The following TRIM9 variants were observed in gnomAD, a reference collection of about 807,000 sequenced individuals.
The protein encoded by TRIM9 is tripartite motif containing 9.
TRIM9 carries 26 observed loss-of-function variants against 78.3 expected under a neutral mutation model. That is an observed-to-expected ratio of 0.33 (90% CI 0.24 to 0.46). The LOEUF is 0.46. Ranked by LOEUF, TRIM9 falls within the 20% of genes least tolerant of loss-of-function variation. The pLI is 1.00. For synonymous variants in TRIM9, 398 were observed against 416.5 expected (o/e 0.96, Z 0.54); for missense variants, 787 against 1,036.4 (o/e 0.76, Z 3.30).
At chr14:51,025,149 C>T in intron 2 of TRIM9, 116 bp downstream of exon 2, 3 of 935,510 alleles carry the variant, frequency 3.2e-6, no homozygotes, top group Non-Finnish European at 5.0e-6. Context: ...CAACAACAAC[C>T]ACAAAATAGG....
At chr14:51,009,627 G>T (rs1040611405) in intron 4 of TRIM9, among the ~76,000 whole-genome samples, 2 of 152,182 alleles carry the variant, frequency 1.3e-5, no homozygotes, top group Admixed American at 1.3e-4. Flanking sequence ...ATCCTATAAA[G>T]ACTTGGAAAT....
At chr14:51,013,984 C>A (rs2056871424) in intron 3 of TRIM9, among the ~76,000 whole-genome samples, 1 of 152,166 alleles carries the variant, frequency 6.6e-6, no homozygotes, top group Non-Finnish European at 1.5e-5. Context: ...CCTCCACAGT[C>A]ATCATTTCAT....
chr14:51,019,220 G>A (rs117003314), intron 3 of TRIM9, among the ~76,000 whole-genome samples: 2,290 of 152,304 alleles, frequency 0.015, 26 homozygotes, highest in Non-Finnish European at 0.022. Flanking sequence ...AGTGTGCTCT[G>A]CTCACTGTTG....
At chr14:50,997,939 T>A in intron 7 of TRIM9, 111 bp downstream of exon 7, 1 of 1,536,420 alleles carries the variant, frequency 6.5e-7, no homozygotes, top group South Asian at 1.3e-5. Context: ...GCAGAGCAAG[T>A]CATGGAAACA....
intron 1 of TRIM9, among the ~76,000 whole-genome samples, chr14:51,050,533 G>C (rs889969248): frequency 2.6e-5 from 4 of 152,090 alleles, no homozygotes; most frequent in African/African-American, 7.2e-5. Flanking sequence ...TTTATCAGCA[G>C]CATGGGAACA....
intron 5 of TRIM9, among the ~76,000 whole-genome samples, chr14:51,001,374 C>T (rs2054998065): frequency 2.0e-5 from 3 of 152,012 alleles, no homozygotes; most frequent in South Asian, 4.2e-4. Context: ...GGACTACAGG[C>T]GCCCGCCACC....
intron 1 of TRIM9, among the ~76,000 whole-genome samples, chr14:51,038,336 G>A (rs1370057814): frequency 2.0e-5 from 3 of 152,118 alleles, no homozygotes; most frequent in Non-Finnish European, 4.4e-5. Flanking sequence ...CTACAGGAGT[G>A]CAAGGTAAAA....
chr14:51,072,681 T>C (rs1476640972), intron 1 of TRIM9, among the ~76,000 whole-genome samples: 2 of 152,178 alleles, frequency 1.3e-5, no homozygotes, highest in East Asian at 1.9e-4. Flanking sequence ...TTAGAGACTA[T>C]TTGAATAGCT....
intron 5 of TRIM9, among the ~76,000 whole-genome samples, chr14:51,002,647 T>C (rs1314961481): frequency 1.3e-5 from 2 of 152,210 alleles, no homozygotes; most frequent in East Asian, 3.8e-4. Context: ...ATCTATGCCT[T>C]GTCAGTCATC....
intron 1 of TRIM9, among the ~76,000 whole-genome samples, chr14:51,069,500 CA>C (rs2062030708): frequency 6.6e-6 from 1 of 152,198 alleles, no homozygotes; most frequent in Non-Finnish European, 1.5e-5. Flanking sequence ...CAAATGTCAA[CA>C]GTGCTGAGAT....
intron 1 of TRIM9, among the ~76,000 whole-genome samples, chr14:51,029,214 TGTCTC>T (rs2058516835): frequency 6.6e-6 from 1 of 152,224 alleles, no homozygotes; most frequent in Admixed American, 6.5e-5. Flanking sequence ...GCTTTCTGGC[TGTCTC>T]GGATCTGAAG....
chr14:51,016,311 C>T (rs193072846), intron 3 of TRIM9, among the ~76,000 whole-genome samples: 350 of 152,206 alleles, frequency 2.3e-3, no homozygotes, highest in Non-Finnish European at 4.1e-3. Flanking sequence ...GCGGCGGCCA[C>T]CTCCTTTCAG....
rs576228137 is a variant in TRIM9, at chr14:50,997,540, G to A, written c.1603+510C>T. On this transcript the variant is annotated intron_variant, in intron 7 of 12. Transcript: ENST00000684578. Reference sequence around the variant, plus strand: ...TGGGTAAGCCAGGAGCAGCCAACAGGCCCTCTCTAAACAGCTCTAGCACCC... The same window carrying A: ...TGGGTAAGCCAGGAGCAGCCAACAGACCCTCTCTAAACAGCTCTAGCACCC... 56 of 987,474 alleles carry A rather than the reference G, an allele frequency of 5.7e-5. No homozygotes were observed. The Admixed American group carries it at 2.6e-3, about 45-fold the overall frequency. The allele number at this position is 987,474 out of a possible 1,614,324, so 61.2% of individuals were successfully genotyped here.
chr14:51,076,440 C>T (rs2062787774), intron 1 of TRIM9, among the ~76,000 whole-genome samples: 1 of 152,138 alleles, frequency 6.6e-6, no homozygotes, highest in South Asian at 2.1e-4. Context: ...GGGAGGGACC[C>T]ACATGTGAGG....
At chr14:51,089,084 G>C (rs2064061496) in intron 1 of TRIM9, 1 of 151,984 alleles carries the variant, frequency 6.6e-6, no homozygotes, top group Non-Finnish European at 1.5e-5. Flanking sequence ...TGTTACTGGA[G>C]CATAGTCCAA....
intron 1 of TRIM9, among the ~76,000 whole-genome samples, chr14:51,085,283 A>G (rs529375162): frequency 5.9e-5 from 9 of 152,256 alleles, no homozygotes; most frequent in Non-Finnish European, 1.3e-4. Flanking sequence ...TTAACCATCT[A>G]CATGTACTCC....
chr14:50,990,493 T>TG (rs2139399762), intron 7 of TRIM9, among the ~76,000 whole-genome samples: 1 of 152,302 alleles, frequency 6.6e-6, no homozygotes, highest in Admixed American at 6.5e-5. Context: ...TTTACACTTC[T>TG]GGGGGTGGAA....
At chr14:51,029,925 C>G (rs187595397) in intron 1 of TRIM9, among the ~76,000 whole-genome samples, 17 of 152,144 alleles carry the variant, frequency 1.1e-4, no homozygotes, top group South Asian at 1.0e-3. Context: ...GTTTAATCCA[C>G]GGTGAGAGCA....
intron 1 of TRIM9, among the ~76,000 whole-genome samples, chr14:51,050,488 T>C (rs1169211426): frequency 1.3e-5 from 2 of 152,160 alleles, no homozygotes; most frequent in Non-Finnish European, 2.9e-5. Flanking sequence ...ATTAAACCCC[T>C]TTTTCTTTAT....
Sources: gnomAD v4.1 joint callset for allele counts (sites outside exome capture counted in the v4.1 genomes callset) on GRCh38, gnomAD v4.1.1 for gene constraint, MANE v1.5 for transcripts, NCBI Gene and HGNC (gene_info 2026-07-23, HGNC 2026-07-21) for gene names.